UNC5B: variants seen among roughly 807,000 people sequenced by gnomAD.
UNC5B encodes unc-5 netrin receptor B, also known as netrin receptor UNC5B.
Under a neutral mutation model 103.7 loss-of-function variants are expected in UNC5B, and 56 were observed. The observed-to-expected ratio is 0.54, with a 90% CI of 0.44 to 0.67. The LOEUF is 0.67. Ranked by LOEUF, UNC5B falls within the 30% of genes least tolerant of loss-of-function variation. The probability of loss-of-function intolerance (pLI) is 0.00; values close to 1 mark genes in which losing one functional copy is unlikely to be tolerated. For missense variants in UNC5B, 1,194 were observed against 1,284.5 expected, an observed-to-expected ratio of 0.93 and a Z score of 1.08; for synonymous variants, 577 against 542.0, an observed-to-expected ratio of 1.06 and a Z score of -0.90.
chr10:71,266,508 C>T (rs775810137), intron 1 of UNC5B, among the ~76,000 whole-genome samples: 9 of 152,154 alleles, frequency 5.9e-5, no homozygotes, highest in Non-Finnish European at 8.8e-5. Flanking sequence ...AACAAGCAGG[C>T]GGGAGCAGGG....
chr10:71,268,579 G>C (rs1232772179), intron 1 of UNC5B, among the ~76,000 whole-genome samples: 1 of 152,222 alleles, frequency 6.6e-6, no homozygotes, highest in African/African-American at 2.4e-5. Context: ...GCTGACAGCA[G>C]GCAACAGGCA....
In UNC5B at chr10:71,290,995, G is replaced by C; in HGVS notation, c.1180G>C (p.Val394Leu). ...CGTGGTCGTGGCAATCCTCATGGCGGTGGGGGTGGTGGTGTACCGCCGCAA... is the reference window on the plus strand; with the variant it reads ...CGTGGTCGTGGCAATCCTCATGGCGCTGGGGGTGGTGGTGTACCGCCGCAA... ...IFVVVAILMA[V>L]GVVVYRRNCR... is the part of the protein sequence containing the mutation. The change falls in exon 9 of 17, where the codon GTG becomes CTG. Residue 394 changes from valine to leucine, a missense_variant. By Grantham distance (32) the Val-to-Leu change is conservative. Coordinates refer to ENST00000335350, the MANE Select transcript of UNC5B (RefSeq NM_170744.5). 6.2e-7 allele frequency: 1 copy of C among 1,613,910 alleles called. No homozygotes were observed. Among genetic ancestry groups the C allele is most frequent in the Non-Finnish European group, 8.5e-7 (1 of 1,179,882 alleles).
chr10:71,219,526 A>G (rs887747775), intron 1 of UNC5B, among the ~76,000 whole-genome samples: 1 of 152,160 alleles, frequency 6.6e-6, no homozygotes, highest in African/African-American at 2.4e-5. Context: ...GCAGCTGATT[A>G]GATTGTGCCC....
At chr10:71,218,449 C>A (rs1397073984) in intron 1 of UNC5B, among the ~76,000 whole-genome samples, 1 of 152,214 alleles carries the variant, frequency 6.6e-6, no homozygotes, top group Non-Finnish European at 1.5e-5. Flanking sequence ...ATTTGCCCAT[C>A]AGCACTTAAG....
rs1012370933 is a variant in UNC5B, at chr10:71,242,940, A to T, written c.79+29876A>T. On this transcript the variant is annotated intron_variant, in intron 1 of 16. Transcript: ENST00000335350. ...ATGAGGACCTCAGCCCACCCATTCA[A>T]GAGTCTGGGGAGCCGGGCGCGGTGG... Among the ~76,000 whole-genome samples, 5 of 152,290 alleles carry T rather than the reference A, an allele frequency of 3.3e-5. No homozygotes were observed. The South Asian group carries it at 6.2e-4, about 19-fold the overall frequency.
intron 1 of UNC5B, among the ~76,000 whole-genome samples, chr10:71,245,937 C>T (rs890864982): frequency 6.6e-6 from 1 of 152,212 alleles, no homozygotes; most frequent in African/African-American, 2.4e-5. Flanking sequence ...GGTGATACAC[C>T]GCCAGCACCC....
At chr10:71,294,813 G>C (rs1444825946) in intron 13 of UNC5B, among the ~76,000 whole-genome samples, 3 of 152,186 alleles carry the variant, frequency 2.0e-5, no homozygotes, top group Non-Finnish European at 2.9e-5. Flanking sequence ...CCTGATGATG[G>C]CAGGTATGGA....
At chr10:71,247,113 G>A (rs180688590) in intron 1 of UNC5B, among the ~76,000 whole-genome samples, 76 of 152,352 alleles carry the variant, frequency 5.0e-4, no homozygotes, top group African/African-American at 1.7e-3. Context: ...CACTGGGGCC[G>A]TGTGCAGGCC....
intron 10 of UNC5B, 76 bp from the exon 11 acceptor site, chr10:71,292,391 C>T: frequency 1.5e-6 from 2 of 1,325,472 alleles, no homozygotes; most frequent in Non-Finnish European, 2.1e-6. Context: ...TCTCCCAGCC[C>T]CAAGCTGGGG....
At chr10:71,281,684 C>T (rs1844932843) in intron 2 of UNC5B, among the ~76,000 whole-genome samples, 1 of 152,184 alleles carries the variant, frequency 6.6e-6, no homozygotes, top group Non-Finnish European at 1.5e-5. Flanking sequence ...ACATATTTTC[C>T]AGCTGCCCCC....
chr10:71,231,029 G>C (rs1483865416), intron 1 of UNC5B, among the ~76,000 whole-genome samples: 1 of 152,230 alleles, frequency 6.6e-6, no homozygotes, highest in Non-Finnish European at 1.5e-5. Context: ...AGATGCTACA[G>C]CAAGGCAAAT....
intron 1 of UNC5B, among the ~76,000 whole-genome samples, chr10:71,264,971 TAAAAAA>T (rs34240729): frequency 8.3e-6 from 1 of 120,850 alleles, no homozygotes; most frequent in African/African-American, 3.0e-5. Flanking sequence ...CCTGTCTCTA[TAAAAAA>T]AAAAAAAAAA....
rs1020561576 is a variant in UNC5B at position 71,300,661 on chromosome 10, C to T, written c.*1384C>T. ...CCTTCCCCAACCTTGGTTTCTCCTT[C>T]TGTAAAGCAGAGTGATGGCTGAGAA... On this transcript the variant is annotated 3_prime_UTR_variant, in exon 17 of 17. Coordinates refer to ENST00000335350, the MANE Select transcript of UNC5B (RefSeq NM_170744.5). 3.3e-5 allele frequency: 5 copies of T among 152,346 alleles called. No homozygotes were observed. The highest frequency in any genetic ancestry group is 1.2e-4 in the African/African-American group (5 of 41,470). 9.4% of individuals were successfully genotyped at this position (152,346 alleles called of 1,614,324 possible).
At position 71,230,200 on chromosome 10, in the gene UNC5B, G is replaced by T. The variant is rs112686950; in HGVS notation, c.79+17136G>T. ...TCTTACCTCCATGTTTTCCCTAGGG[G>T]AACTCAGCTGTGATTAGGAGGAACC... On this transcript the variant is annotated intron_variant, in intron 1 of 16. Transcript: ENST00000335350. 7.5e-3 allele frequency among the ~76,000 whole-genome samples: 1,145 copies of T among 152,238 alleles called. 18 individuals carry two copies. The highest frequency in any genetic ancestry group is 0.017 in the Middle Eastern group (5 of 294).
chr10:71,297,496 G>C (rs1484852802), intron 15 of UNC5B, among the ~76,000 whole-genome samples: 6 of 152,254 alleles, frequency 3.9e-5, no homozygotes, highest in African/African-American at 1.2e-4. Context: ...TTGGGGCATT[G>C]TAAAGAGCAC....
At position 71,280,010 on chromosome 10, in the gene UNC5B, A is replaced by G; in HGVS notation, c.269A>G (p.Asp90Gly). 6.2e-7 allele frequency: 1 copy of G among 1,614,020 alleles called. No homozygotes were observed. The highest frequency in any genetic ancestry group is 8.5e-7 in the Non-Finnish European group (1 of 1,180,016). ...KCNGEWVSQN[D>G]HVTQEGLDEA... is the part of the protein sequence containing the mutation. ...AACGGCGAGTGGGTCAGCCAGAACG[A>G]CCACGTCACACAGGAAGGCCTGGAT... Residue 90 changes from aspartate to glycine, a missense_variant, in exon 2 of 17, where the codon GAC becomes GGC. Physicochemically the swap from Asp to Gly is moderately conservative, Grantham distance 94. Coordinates refer to ENST00000335350, the MANE Select transcript of UNC5B (RefSeq NM_170744.5).
intron 1 of UNC5B, among the ~76,000 whole-genome samples, chr10:71,228,647 A>G (rs924047023): frequency 2.0e-5 from 3 of 152,262 alleles, no homozygotes; most frequent in African/African-American, 7.2e-5. Flanking sequence ...ATTGTAAAAC[A>G]ACTACAAGAT....
intron 1 of UNC5B, among the ~76,000 whole-genome samples, chr10:71,221,365 G>C (rs1259108323): frequency 6.6e-6 from 1 of 152,202 alleles, no homozygotes; most frequent in Non-Finnish European, 1.5e-5. Flanking sequence ...AGTGCGCCCT[G>C]CTGAGGGTGT....
chr10:71,233,432 C>T (rs943936787), intron 1 of UNC5B, among the ~76,000 whole-genome samples: 2 of 152,184 alleles, frequency 1.3e-5, no homozygotes, highest in Admixed American at 1.3e-4. Flanking sequence ...AATAACAGCC[C>T]GGAAGATGCT....
Sources: gnomAD v4.1 joint callset for allele counts (sites outside exome capture counted in the v4.1 genomes callset) on GRCh38, gnomAD v4.1.1 for gene constraint, MANE v1.5 for transcripts, NCBI Gene and HGNC (gene_info 2026-07-23, HGNC 2026-07-21) for gene names.